NAA16: variants seen among roughly 807,000 people sequenced by gnomAD.
The protein encoded by NAA16 is N-alpha-acetyltransferase 16, NatA auxiliary subunit, also known as NARG1-like protein.
In NAA16, 97 loss-of-function variants were observed where a neutral mutation model predicts 110.3. The observed-to-expected ratio is 0.88, with a 90% CI of 0.75 to 1.04. NAA16 has a LOEUF of 1.04. NAA16 is among the 50% of genes least tolerant of loss of function. The pLI is 0.00. For missense variants in NAA16, 1,017 were observed against 1,005.1 expected (o/e 1.01, Z -0.16); for synonymous variants, 372 against 330.6 (o/e 1.13, Z -1.36).
rs372114376 is a variant in NAA16 at position 41,376,342 on chromosome 13, C to A, written c.*740C>A. The A allele has an allele frequency of 6.6e-6, 1 of 152,128 alleles. No homozygotes were observed. The allele number at this position is 152,128 out of a possible 1,614,324, so 9.4% of individuals were successfully genotyped here. A position where few individuals can be genotyped will look rare whatever the true frequency, so the allele number is the denominator to read the frequency against. On this transcript the variant is annotated 3_prime_UTR_variant, in exon 20 of 20. Coordinates refer to ENST00000379406, the MANE Select transcript of NAA16 (RefSeq NM_024561.5). Reference sequence around the variant, plus strand: ...TTGAAGTTTATTTGAAAATTTAATTCGTCCTTTTTTCATTGTAATATTTCA... The same window carrying A: ...TTGAAGTTTATTTGAAAATTTAATTAGTCCTTTTTTCATTGTAATATTTCA...
intron 8 of NAA16, among the ~76,000 whole-genome samples, chr13:41,332,058 G>GTGTTTT (rs1485012396): frequency 6.6e-6 from 1 of 152,012 alleles, no homozygotes; most frequent in Non-Finnish European, 1.5e-5. Context: ...TGAAGTTTTT[G>GTGTTTT]TGTTTTTGTT....
chr13:41,340,960 C>T (rs1398912607), intron 9 of NAA16, among the ~76,000 whole-genome samples: 1 of 152,152 alleles, frequency 6.6e-6, no homozygotes, highest in East Asian at 1.9e-4. Flanking sequence ...AGCCACCGCG[C>T]CCAGCTTGAG....
At chr13:41,340,542 T>G (rs575980340) in intron 9 of NAA16, among the ~76,000 whole-genome samples, 4 of 152,240 alleles carry the variant, frequency 2.6e-5, no homozygotes, top group Non-Finnish European at 5.9e-5. Flanking sequence ...TTGTTCTCGT[T>G]GGTTTCAAAG....
intron 15 of NAA16, 96 bp from the exon 16 acceptor site, chr13:41,372,107 C>T (rs1051390798): frequency 9.8e-7 from 1 of 1,020,422 alleles, no homozygotes; most frequent in Admixed American, 3.5e-5. Context: ...AGAAAGCTGT[C>T]TAAATTACTT....
chr13:41,356,308 T>G (rs1351429853), intron 10 of NAA16, among the ~76,000 whole-genome samples: 2 of 152,258 alleles, frequency 1.3e-5, no homozygotes, highest in Non-Finnish European at 2.9e-5. Flanking sequence ...ATTACAGGTG[T>G]GAGCTGCCAC....
intron 3 of NAA16, 125 bp from the exon 4 acceptor site, chr13:41,320,542 A>G: frequency 1.1e-6 from 1 of 885,960 alleles, no homozygotes; most frequent in South Asian, 2.3e-5. Flanking sequence ...CCCCTCCCCC[A>G]GACTCCAGAT....
chr13:41,358,201 T>C, intron 10 of NAA16, 103 bp from the exon 11 acceptor site: 1 of 1,008,254 alleles, frequency 9.9e-7, no homozygotes, highest in African/African-American at 1.6e-5. Context: ...TCTTTCTTGC[T>C]TATTATTATT....
chr13:41,372,690 G>C, intron 16 of NAA16, 42 bp from the exon 17 acceptor site: 1 of 1,518,334 alleles, frequency 6.6e-7, no homozygotes, highest in East Asian at 2.4e-5. Flanking sequence ...AAAATACTGT[G>C]TAAGTATTAA....
intron 9 of NAA16, among the ~76,000 whole-genome samples, chr13:41,350,813 T>C (rs1031203823): frequency 2.6e-5 from 4 of 151,742 alleles, no homozygotes; most frequent in Admixed American, 6.6e-5. Flanking sequence ...TTTGTAGAGA[T>C]GGGGTTTTAC....
chr13:41,356,978 T>C (rs2043003195), intron 10 of NAA16, among the ~76,000 whole-genome samples: 1 of 152,170 alleles, frequency 6.6e-6, no homozygotes, highest in African/African-American at 2.4e-5. Context: ...GATGTTAAGA[T>C]TGATAAAGAT....
intron 9 of NAA16, among the ~76,000 whole-genome samples, chr13:41,351,309 C>A (rs892244751): frequency 1.3e-5 from 2 of 152,140 alleles, no homozygotes; most frequent in Admixed American, 6.5e-5. Flanking sequence ...CACCTCATCT[C>A]TGTAGTTACT....
chr13:41,312,936 T>G (rs1193136603), intron 1 of NAA16, among the ~76,000 whole-genome samples: 1 of 152,212 alleles, frequency 6.6e-6, no homozygotes, highest in Admixed American at 6.5e-5. Context: ...TGCCCTTTTA[T>G]TTTACACAGC....
chr13:41,337,273 G>T (rs1159557177), intron 9 of NAA16, among the ~76,000 whole-genome samples: 1 of 152,100 alleles, frequency 6.6e-6, no homozygotes, highest in Non-Finnish European at 1.5e-5. Context: ...GCCAGGTGTG[G>T]TGGCTCATGC....
intron 18 of NAA16, among the ~76,000 whole-genome samples, chr13:41,374,293 C>G (rs1210300941): frequency 6.6e-6 from 1 of 151,944 alleles, no homozygotes; most frequent in African/African-American, 2.4e-5. Flanking sequence ...CTGTTTTCCC[C>G]GCCCCTACTC....
At chr13:41,324,495 C>T (rs2042036811) in intron 5 of NAA16, among the ~76,000 whole-genome samples, 1 of 150,652 alleles carries the variant, frequency 6.6e-6, no homozygotes, top group Middle Eastern at 3.4e-3. Flanking sequence ...CCTGCCTCAG[C>T]TTCCCGAGTA....
intron 9 of NAA16, among the ~76,000 whole-genome samples, chr13:41,343,247 G>A (rs2042599094): frequency 6.6e-6 from 1 of 152,032 alleles, no homozygotes; most frequent in Admixed American, 6.6e-5. Context: ...CGCGTGCCAC[G>A]ATGCCTAGTT....
At chr13:41,348,216 G>A (rs986994632) in intron 9 of NAA16, among the ~76,000 whole-genome samples, 3 of 151,694 alleles carry the variant, frequency 2.0e-5, no homozygotes, top group Non-Finnish European at 4.4e-5. Flanking sequence ...CACCCGGGCT[G>A]GAGTGCAGTG....
At chr13:41,320,547 C>G (rs2041919889) in intron 3 of NAA16, 120 bp from the exon 4 acceptor site, 1 of 962,920 alleles carries the variant, frequency 1.0e-6, no homozygotes. Context: ...CCCCCAGACT[C>G]CAGATCATTC....
In NAA16 at chr13:41,311,503, G is replaced by C; in HGVS notation, c.-26G>C. Reference sequence around the variant, plus strand: ...GCCCGGGCACCTAGCCTCCCTGCCGGCCACCTAGCCTCCCTGCCGGCCACG... The same window carrying C: ...GCCCGGGCACCTAGCCTCCCTGCCGCCCACCTAGCCTCCCTGCCGGCCACG... On this transcript the variant is annotated 5_prime_UTR_variant, in exon 1 of 20. Coordinates refer to ENST00000379406, the MANE Select transcript of NAA16 (RefSeq NM_024561.5). 6.3e-7 allele frequency: 1 copy of C among 1,582,764 alleles called. No individual in the cohort carries two copies. The highest frequency in any genetic ancestry group is 8.6e-7 in the Non-Finnish European group (1 of 1,165,326).
Sources: allele counts gnomAD v4.1 joint callset (sites outside exome capture counted in the v4.1 genomes callset), GRCh38; gene constraint gnomAD v4.1.1; transcripts MANE v1.5; gene names NCBI Gene and HGNC (gene_info 2026-07-23, HGNC 2026-07-21).